KIF26B: variants seen among roughly 807,000 people sequenced by gnomAD.
KIF26B encodes the protein kinesin family member 26B.
In KIF26B, 63 loss-of-function variants were observed where a neutral mutation model predicts 151.2. The ratio of observed to expected loss-of-function variants is 0.42; its 90% confidence interval spans 0.34 to 0.51. KIF26B has a LOEUF of 0.51. Ranked by LOEUF, KIF26B falls within the 20% of genes least tolerant of loss-of-function variation. The pLI is 0.07. For synonymous variants in KIF26B, 1,357 were observed against 1,262.1 expected, an observed-to-expected ratio of 1.08 and a Z score of -1.59; for missense variants, 2,813 against 2,913.6, an observed-to-expected ratio of 0.97 and a Z score of 0.79.
chr1:245,294,992 G>C (rs908805140), intron 2 of KIF26B, among the ~76,000 whole-genome samples: 3 of 152,116 alleles, frequency 2.0e-5, no homozygotes, highest in African/African-American at 7.2e-5. Flanking sequence ...GCTGAGTTCT[G>C]CAGATGCTTC....
At chr1:245,568,469 C>A (rs996506508) in intron 5 of KIF26B, among the ~76,000 whole-genome samples, 1 of 152,190 alleles carries the variant, frequency 6.6e-6, no homozygotes, top group African/African-American at 2.4e-5. Flanking sequence ...ATGATCATAT[C>A]CCTGCCCTTC....
chr1:245,464,364 CGTGTGTGGGTGTGTGT>C (rs1558176343), intron 4 of KIF26B, among the ~76,000 whole-genome samples: 8 of 151,036 alleles, frequency 5.3e-5, no homozygotes, highest in African/African-American at 1.9e-4. Context: ...TGGGTGTGTG[CGTGTGTGGGTGTGTGT>C]AGGTGTGTGT....
At chr1:245,499,294 A>C (rs1660572742) in intron 4 of KIF26B, among the ~76,000 whole-genome samples, 1 of 150,716 alleles carries the variant, frequency 6.6e-6, no homozygotes. Context: ...TTTCCTGGAA[A>C]CCCTTTCTAG....
intron 4 of KIF26B, among the ~76,000 whole-genome samples, chr1:245,498,686 C>A (rs1330223020): frequency 6.6e-6 from 1 of 152,154 alleles, no homozygotes; most frequent in Non-Finnish European, 1.5e-5. Context: ...CTTCTTTTAG[C>A]CAGGAACTTT....
At chr1:245,643,524 A>G (rs1233460906) in intron 9 of KIF26B, among the ~76,000 whole-genome samples, 2 of 152,206 alleles carry the variant, frequency 1.3e-5, no homozygotes, top group Non-Finnish European at 2.9e-5. Flanking sequence ...TGTTATTGCT[A>G]TCAAACATTT....
intron 4 of KIF26B, among the ~76,000 whole-genome samples, chr1:245,454,771 AT>A (rs1296214809): frequency 1.3e-5 from 2 of 151,860 alleles, no homozygotes; most frequent in Non-Finnish European, 2.9e-5. Flanking sequence ...CTCCTACCCC[AT>A]TTTTTTTCTT....
rs568752921 is a variant in KIF26B, at chr1:245,558,333, C to G, written c.1350+17383C>G. On this transcript the variant is annotated intron_variant, in intron 5 of 14. Transcript: ENST00000407071. The stretch of plus-strand genomic sequence containing the variant: ...TAGTTCCTGCTTCTCTCGCCTGCCC[C>G]CTTGACTCCAGTGAGTAGTTTTTGG... Among the ~76,000 whole-genome samples the G allele has an allele frequency of 2.2e-3, 331 of 152,124 alleles. 1 individual carries two copies. The highest frequency in any genetic ancestry group is 5.1e-3 in the Admixed American group (78 of 15,300).
chr1:245,487,968 A>G (rs1660318488), intron 4 of KIF26B, among the ~76,000 whole-genome samples: 1 of 151,978 alleles, frequency 6.6e-6, no homozygotes, highest in Non-Finnish European at 1.5e-5. Flanking sequence ...TTGTATTTTT[A>G]GTAGAGATGA....
intron 2 of KIF26B, among the ~76,000 whole-genome samples, chr1:245,351,858 G>C (rs1672575443): frequency 1.3e-5 from 2 of 151,064 alleles, no homozygotes; most frequent in South Asian, 4.2e-4. Flanking sequence ...GACCATGTTT[G>C]TTTCTAGCAC....
At chr1:245,546,000 G>A (rs1243921268) in intron 5 of KIF26B, among the ~76,000 whole-genome samples, 1 of 152,130 alleles carries the variant, frequency 6.6e-6, no homozygotes, top group Admixed American at 6.5e-5. Flanking sequence ...AAGTGAGAAT[G>A]GTAATGGTGA....
At chr1:245,501,403 T>C (rs1352894966) in intron 4 of KIF26B, among the ~76,000 whole-genome samples, 1 of 152,150 alleles carries the variant, frequency 6.6e-6, no homozygotes. Flanking sequence ...TAGCTACTTA[T>C]TTGTGGTGGT....
intron 2 of KIF26B, among the ~76,000 whole-genome samples, chr1:245,173,403 C>T (rs538311587): frequency 9.6e-4 from 146 of 152,274 alleles, no homozygotes; most frequent in Non-Finnish European, 1.5e-3. Context: ...TAAGTTGTGT[C>T]ACAAAATTGT....
chr1:245,593,659 T>C (rs140501055), intron 5 of KIF26B, among the ~76,000 whole-genome samples: 101 of 152,356 alleles, frequency 6.6e-4, no homozygotes, highest in African/African-American at 2.4e-3. Context: ...TATAGTAGAA[T>C]GATTTATAAT....
intron 3 of KIF26B, among the ~76,000 whole-genome samples, chr1:245,398,312 G>T (rs1297832033): frequency 6.6e-6 from 1 of 152,160 alleles, no homozygotes; most frequent in East Asian, 1.9e-4. Context: ...CTTGACCCCC[G>T]ATAAAGTAAT....
chr1:245,369,189 GA>G (rs1558138928), intron 3 of KIF26B, among the ~76,000 whole-genome samples: 1 of 151,190 alleles, frequency 6.6e-6, no homozygotes, highest in Non-Finnish European at 1.5e-5. Context: ...GAGAGAGAGA[GA>G]GAGAGAGACA....
intron 4 of KIF26B, among the ~76,000 whole-genome samples, chr1:245,440,269 G>A (rs888499452): frequency 2.6e-5 from 4 of 152,030 alleles, no homozygotes; most frequent in Non-Finnish European, 2.9e-5. Flanking sequence ...TTATAAAAGG[G>A]AAGCAAAGCC....
chr1:245,165,184 G>A (rs1668595868), intron 2 of KIF26B, among the ~76,000 whole-genome samples: 1 of 151,954 alleles, frequency 6.6e-6, no homozygotes, highest in Non-Finnish European at 1.5e-5. Context: ...GAATGACACA[G>A]ACTGAACTAG....
intron 4 of KIF26B, among the ~76,000 whole-genome samples, chr1:245,493,721 A>T (rs1057496530): frequency 6.6e-6 from 1 of 152,228 alleles, no homozygotes; most frequent in Non-Finnish European, 1.5e-5. Flanking sequence ...AGGGAACTAT[A>T]GAGAGTGGAG....
chr1:245,649,124 G>A (rs555465390), intron 10 of KIF26B, among the ~76,000 whole-genome samples: 4 of 152,150 alleles, frequency 2.6e-5, no homozygotes, highest in Admixed American at 6.5e-5. Flanking sequence ...TTCATTGTAC[G>A]TGATCTTAAA....
Sources: gnomAD v4.1 joint callset for allele counts (sites outside exome capture counted in the v4.1 genomes callset) on GRCh38, gnomAD v4.1.1 for gene constraint, MANE v1.5 for transcripts, NCBI Gene and HGNC (gene_info 2026-07-23, HGNC 2026-07-21) for gene names.